VWC2L: variants seen among roughly 807,000 people sequenced by gnomAD.
VWC2L encodes von Willebrand factor C domain-containing protein 2-like.
Under a neutral mutation model 21.6 loss-of-function variants are expected in VWC2L, and 10 were observed. The observed-to-expected ratio is 0.46, with a 90% CI of 0.29 to 0.78. VWC2L has a LOEUF of 0.78. Among genes scored for constraint, VWC2L ranks in the 30% least tolerant of loss-of-function variants. The probability of loss-of-function intolerance (pLI) is 0.10; values close to 1 mark genes in which losing one functional copy is unlikely to be tolerated. For missense variants in VWC2L, 209 were observed against 277.1 expected, an observed-to-expected ratio of 0.75 and a Z score of 1.74; for synonymous variants, 96 against 94.3, an observed-to-expected ratio of 1.02 and a Z score of -0.10.
intron 3 of VWC2L, among the ~76,000 whole-genome samples, chr2:214,533,544 A>C (rs531484343): frequency 5.0e-4 from 52 of 104,606 alleles, no homozygotes; most frequent in Non-Finnish European, 9.0e-4. Flanking sequence ...CATAGAGGGG[A>C]AAAAGAAAAA....
chr2:214,524,067 A>G (rs540733069), intron 3 of VWC2L, among the ~76,000 whole-genome samples: 34 of 152,324 alleles, frequency 2.2e-4, no homozygotes, highest in Middle Eastern at 6.8e-3. Flanking sequence ...AGAGAACAAA[A>G]TTTTAAAAAG....
At chr2:214,558,201 C>A (rs564763070) in intron 3 of VWC2L, among the ~76,000 whole-genome samples, 9 of 152,096 alleles carry the variant, frequency 5.9e-5, no homozygotes, top group Non-Finnish European at 8.8e-5. Flanking sequence ...TTTTTGAAAT[C>A]TTTTTTGTCT....
chr2:214,459,902 C>CTTTTTTTTTTTTTTT (rs57351904), intron 3 of VWC2L, among the ~76,000 whole-genome samples: 5 of 85,158 alleles, frequency 5.9e-5, no homozygotes, highest in Admixed American at 1.6e-4. Flanking sequence ...TTTCCTTTGA[C>CTTTTTTTTTTTTTTT]TTTTTTTTTT....
intron 3 of VWC2L, chr2:214,536,996 A>G (rs76806187): frequency 0.047 from 7,086 of 151,632 alleles, 244 homozygotes; most frequent in Non-Finnish European, 0.069. Flanking sequence ...ACACACACAC[A>G]CACGCACACA....
chr2:214,511,809 AAT>A (rs1480145609), intron 3 of VWC2L, among the ~76,000 whole-genome samples: 1 of 150,086 alleles, frequency 6.7e-6, no homozygotes, highest in Admixed American at 6.7e-5. Flanking sequence ...TGGATGAAAT[AAT>A]AGTTACACAA....
In VWC2L at chr2:214,510,047, G is replaced by A. The variant is rs370027131; in HGVS notation, c.521-65625G>A. On this transcript the variant is annotated intron_variant, in intron 3 of 3. Coordinates refer to ENST00000312504, the MANE Select transcript of VWC2L (RefSeq NM_001080500.4). ...TTGAAACTATGGGATTACAAAATAC[G>A]TAAGATTTTGGTACAGAAGTCACCT... 29 of 152,260 alleles carry A rather than the reference G, an allele frequency of 1.9e-4. 1 individual carries two copies. The East Asian group carries it at 4.4e-3, about 23-fold the overall frequency. 9.4% of individuals were successfully genotyped at this position (152,260 alleles called of 1,614,324 possible).
At chr2:214,512,942 C>T (rs935285981) in intron 3 of VWC2L, among the ~76,000 whole-genome samples, 2 of 152,078 alleles carry the variant, frequency 1.3e-5, no homozygotes, top group Non-Finnish European at 2.9e-5. Context: ...TGGCTCCTTA[C>T]AGAATCCACT....
intron 3 of VWC2L, among the ~76,000 whole-genome samples, chr2:214,516,304 A>G (rs1181782709): frequency 6.6e-6 from 1 of 151,834 alleles, no homozygotes; most frequent in African/African-American, 2.4e-5. Context: ...CTCTCACCCA[A>G]CAGCCCTCAT....
At chr2:214,570,294 G>A (rs1690131681) in intron 3 of VWC2L, among the ~76,000 whole-genome samples, 1 of 152,120 alleles carries the variant, frequency 6.6e-6, no homozygotes, top group Non-Finnish European at 1.5e-5. Flanking sequence ...TCCTACTGTG[G>A]AAAAATGTTT....
At chr2:214,514,078 G>T (rs1196178253) in intron 3 of VWC2L, among the ~76,000 whole-genome samples, 2 of 152,052 alleles carry the variant, frequency 1.3e-5, no homozygotes, top group Non-Finnish European at 2.9e-5. Flanking sequence ...ACACACTCAT[G>T]CAAACGACTT....
At chr2:214,544,498 T>G (rs1302050708) in intron 3 of VWC2L, among the ~76,000 whole-genome samples, 1 of 152,178 alleles carries the variant, frequency 6.6e-6, no homozygotes, top group African/African-American at 2.4e-5. Context: ...TACTCCTGAC[T>G]GTCCTTCCCA....
intron 3 of VWC2L, among the ~76,000 whole-genome samples, chr2:214,438,154 G>A (rs1313432913): frequency 6.6e-6 from 1 of 152,006 alleles, no homozygotes; most frequent in Non-Finnish European, 1.5e-5. Flanking sequence ...AACAATAAGA[G>A]GATTTAGTGG....
intron 3 of VWC2L, among the ~76,000 whole-genome samples, chr2:214,455,248 ATTTAT>A (rs1411540683): frequency 6.6e-6 from 1 of 152,138 alleles, no homozygotes; most frequent in Non-Finnish European, 1.5e-5. Context: ...TTTAAAATAA[ATTTAT>A]TTTATATTTA....
intron 3 of VWC2L, among the ~76,000 whole-genome samples, chr2:214,522,899 A>T (rs1343943112): frequency 6.6e-6 from 1 of 152,190 alleles, no homozygotes; most frequent in Non-Finnish European, 1.5e-5. Flanking sequence ...AAAAATAAAG[A>T]ATATTTGTAT....
chr2:214,524,286 C>G (rs10804230), intron 3 of VWC2L, among the ~76,000 whole-genome samples: 41,613 of 152,004 alleles, frequency 0.27, 6,008 homozygotes, highest in East Asian at 0.47. Context: ...TTAAACAGTA[C>G]AAGTTCAAGC....
chr2:214,574,206 G>C (rs927975856), intron 3 of VWC2L, among the ~76,000 whole-genome samples: 6 of 152,162 alleles, frequency 3.9e-5, no homozygotes, highest in Non-Finnish European at 7.3e-5. Flanking sequence ...CTGACAGCTT[G>C]CTAGCTGTTT....
At chr2:214,534,075 T>C in intron 3 of VWC2L, 1 of 152,428 alleles carries the variant, frequency 6.6e-6, no homozygotes. Context: ...CCCAGAAAAG[T>C]TTCACAGAAG....
chr2:214,542,767 G>A (rs1229372012), intron 3 of VWC2L, among the ~76,000 whole-genome samples: 2 of 152,264 alleles, frequency 1.3e-5, no homozygotes, highest in South Asian at 2.1e-4. Context: ...ATTTATCCCA[G>A]GGGTGGTTAA....
chr2:214,429,421 A>G (rs1373248786), intron 2 of VWC2L, among the ~76,000 whole-genome samples: 2 of 152,164 alleles, frequency 1.3e-5, no homozygotes, highest in Admixed American at 6.5e-5. Flanking sequence ...TCGATTTTAT[A>G]TTAAATCCTC....
Sources: allele counts gnomAD v4.1 joint callset (sites outside exome capture counted in the v4.1 genomes callset), GRCh38; gene constraint gnomAD v4.1.1; transcripts MANE v1.5; gene names NCBI Gene and HGNC (gene_info 2026-07-23, HGNC 2026-07-21).